ASAP1: variants seen among roughly 807,000 people sequenced by gnomAD.
The protein encoded by ASAP1 is ArfGAP with SH3 domain, ankyrin repeat and PH domain 1.
Under a neutral mutation model 145.2 loss-of-function variants are expected in ASAP1, and 43 were observed. The observed-to-expected ratio is 0.30, with a 90% CI of 0.23 to 0.38. The LOEUF (loss-of-function observed/expected upper bound fraction) is 0.38. Among genes scored for constraint, ASAP1 ranks in the 10% least tolerant of loss-of-function variants. The pLI is 1.00. For synonymous variants in ASAP1, 546 were observed against 515.5 expected (o/e 1.06, Z -0.80); for missense variants, 1,018 against 1,355.3 (o/e 0.75, Z 3.91).
intron 2 of ASAP1, among the ~76,000 whole-genome samples, chr8:130,401,109 T>A (rs999837155): frequency 2.0e-5 from 3 of 152,040 alleles, no homozygotes; most frequent in Admixed American, 1.3e-4. Context: ...CTCGAACTCC[T>A]AACCTGAGGT....
chr8:130,264,842 C>G (rs1408504738), intron 3 of ASAP1, among the ~76,000 whole-genome samples: 2 of 151,956 alleles, frequency 1.3e-5, no homozygotes, highest in Non-Finnish European at 2.9e-5. Flanking sequence ...TCCAGAAGCC[C>G]TACTTGGGTG....
chr8:130,174,085 C>T (rs1359658820), intron 9 of ASAP1, among the ~76,000 whole-genome samples: 3 of 105,780 alleles, frequency 2.8e-5, no homozygotes, highest in African/African-American at 1.2e-4. Flanking sequence ...GGCAAGACTC[C>T]GTCTCCAAAA....
intron 24 of ASAP1, among the ~76,000 whole-genome samples, chr8:130,102,059 C>G (rs1478047171): frequency 1.3e-5 from 2 of 152,004 alleles, no homozygotes; most frequent in African/African-American, 4.8e-5. Context: ...AATTTAACTT[C>G]CTCTTTTCCA....
intron 3 of ASAP1, chr8:130,247,079 T>G (rs1483520154): frequency 6.6e-6 from 1 of 152,206 alleles, no homozygotes; most frequent in East Asian, 1.9e-4. Flanking sequence ...TGTCACTGCT[T>G]GGCTACCACA....
chr8:130,072,857 C>T (rs1409949550), intron 27 of ASAP1, among the ~76,000 whole-genome samples: 1 of 70,446 alleles, frequency 1.4e-5, no homozygotes, highest in East Asian at 5.0e-4. Flanking sequence ...GGGGACTGAG[C>T]TCTCACCCGG....
intron 24 of ASAP1, among the ~76,000 whole-genome samples, 183 bp from the exon 25 acceptor site, chr8:130,092,326 T>TAA (rs112840994): frequency 2.0e-5 from 3 of 149,792 alleles, no homozygotes; most frequent in Non-Finnish European, 3.0e-5. Flanking sequence ...AAAATTTGGT[T>TAA]AAAAAAAAAA....
chr8:130,225,937 G>A (rs114376157), intron 4 of ASAP1, among the ~76,000 whole-genome samples: 2,547 of 152,148 alleles, frequency 0.017, 74 homozygotes, highest in African/African-American at 0.057. Flanking sequence ...GTAATGCCGC[G>A]GCATGGTCAT....
chr8:130,325,452 G>T (rs933818151), intron 3 of ASAP1, among the ~76,000 whole-genome samples: 3 of 152,192 alleles, frequency 2.0e-5, no homozygotes, highest in Admixed American at 6.5e-5. Flanking sequence ...GACATCTGTA[G>T]CACTTATCAT....
At chr8:130,328,094 C>T (rs1365344631) in intron 3 of ASAP1, among the ~76,000 whole-genome samples, 2 of 152,142 alleles carry the variant, frequency 1.3e-5, no homozygotes, top group African/African-American at 4.8e-5. Flanking sequence ...CTAACATTTA[C>T]TGAGCACTTG....
At chr8:130,243,497 C>T (rs1818667617) in intron 3 of ASAP1, among the ~76,000 whole-genome samples, 1 of 152,132 alleles carries the variant, frequency 6.6e-6, no homozygotes, top group East Asian at 1.9e-4. Context: ...CACTGTTCTT[C>T]CAATAAAACT....
At chr8:130,059,267 A>G (rs1243163827) in intron 28 of ASAP1, among the ~76,000 whole-genome samples, 1 of 151,760 alleles carries the variant, frequency 6.6e-6, no homozygotes, top group Non-Finnish European at 1.5e-5. Context: ...GGGCTCAAGC[A>G]ATCTTCCCGC....
intron 3 of ASAP1, among the ~76,000 whole-genome samples, chr8:130,356,896 C>T (rs1826347390): frequency 6.6e-6 from 1 of 152,210 alleles, no homozygotes; most frequent in South Asian, 2.1e-4. Context: ...GGGCTTACAT[C>T]AGAAAGAGCT....
At chr8:130,087,019 T>C (rs1180770210) in intron 25 of ASAP1, among the ~76,000 whole-genome samples, 1 of 152,170 alleles carries the variant, frequency 6.6e-6, no homozygotes, top group Non-Finnish European at 1.5e-5. Flanking sequence ...ATGCAACATC[T>C]ACTTCCTTCT....
chr8:130,346,312 A>T (rs906750496), intron 3 of ASAP1, among the ~76,000 whole-genome samples: 2 of 152,228 alleles, frequency 1.3e-5, no homozygotes, highest in African/African-American at 4.8e-5. Flanking sequence ...GAAGAAAAAA[A>T]TCCTACTTCC....
chr8:130,089,693 G>C (rs946995340), intron 25 of ASAP1, among the ~76,000 whole-genome samples: 3 of 152,148 alleles, frequency 2.0e-5, no homozygotes, highest in African/African-American at 7.2e-5. Flanking sequence ...ACTAGGAGCA[G>C]AGCAACTATA....
chr8:130,326,776 G>A (rs1435141095), intron 3 of ASAP1, among the ~76,000 whole-genome samples: 1 of 152,194 alleles, frequency 6.6e-6, no homozygotes, highest in East Asian at 1.9e-4. Flanking sequence ...TAAAAGCAAA[G>A]CATTAATTTA....
intron 1 of ASAP1, among the ~76,000 whole-genome samples, chr8:130,429,941 A>G (rs1362657466): frequency 6.6e-6 from 1 of 152,204 alleles, no homozygotes; most frequent in Non-Finnish European, 1.5e-5. Context: ...ATGATGATAC[A>G]TCCCAGAGCC....
At chr8:130,066,672 A>G (rs12546088) in intron 27 of ASAP1, among the ~76,000 whole-genome samples, 20 of 151,182 alleles carry the variant, frequency 1.3e-4, no homozygotes, top group Non-Finnish European at 2.5e-4. Context: ...AATAGTTCCT[A>G]TACCTACCAA....
In ASAP1 at chr8:130,060,708, T is replaced by C; in HGVS notation, c.3063A>G (p.Ser1021=). ...CATTTGGGGATAGATCCAATGGGTGTGACTTCAGTGTGACCTCAGAGGGTT... is the reference window on the plus strand; with the variant it reads ...CATTTGGGGATAGATCCAATGGGTGCGACTTCAGTGTGACCTCAGAGGGTT... ...AQQPSEVTLK[S]HPLDLSPNVQ... is the part of the protein sequence containing the mutation. Residue 1021 remains serine (S), a synonymous_variant, in exon 28 of 30, where the codon TCA becomes TCG. Transcript: ENST00000518721. The C allele has an allele frequency of 1.2e-6, 2 of 1,614,178 alleles. No individual in the cohort carries two copies. The highest frequency in any genetic ancestry group is 1.7e-6 in the Non-Finnish European group (2 of 1,180,026).
Sources: gnomAD v4.1 joint callset for allele counts (sites outside exome capture counted in the v4.1 genomes callset) on GRCh38, gnomAD v4.1.1 for gene constraint, MANE v1.5 for transcripts, NCBI Gene and HGNC (gene_info 2026-07-23, HGNC 2026-07-21) for gene names.